Variants in RBFOX3 observed in about 807,000 individuals in gnomAD.
RBFOX3 encodes the protein RNA binding fox-1 homolog 3, also known as RNA binding protein fox-1 homolog 3.
Under a neutral mutation model 48.7 loss-of-function variants are expected in RBFOX3, and 17 were observed. The ratio of observed to expected loss-of-function variants is 0.35; its 90% CI spans 0.24 to 0.52. The LOEUF is 0.52. Among genes scored for constraint, RBFOX3 ranks in the 20% least tolerant of loss-of-function variants. RBFOX3 has a pLI of 0.94. For synonymous variants in RBFOX3, 212 were observed against 209.5 expected (o/e 1.01, Z -0.10); for missense variants, 382 against 497.5 (o/e 0.77, Z 2.21).
At chr17:79,570,834 T>C (rs2092650912) in intron 1 of RBFOX3, among the ~76,000 whole-genome samples, 1 of 152,190 alleles carries the variant, frequency 6.6e-6, no homozygotes, top group Admixed American at 6.5e-5. Flanking sequence ...AGTGGGCCTG[T>C]GGGCCGGGCT....
At position 79,557,338 on chromosome 17, in the gene RBFOX3, A is replaced by G. The variant is rs927136608; in HGVS notation, c.-320+53488T>C. On this transcript the variant is annotated intron_variant, in intron 1 of 14. Coordinates refer to ENST00000693108, the MANE Select transcript of RBFOX3 (RefSeq NM_001350451.2). ...GTGTGGCCCCAGGCCCTGGACTGTT[A>G]GTCTCTATCTGGTCTGTTACCCCTG... 2.7e-4 allele frequency among the ~76,000 whole-genome samples: 41 copies of G among 151,510 alleles called. 1 individual carries two copies. The East Asian group carries it at 7.0e-3, about 26-fold the overall frequency.
At chr17:79,642,125 T>A in the RBFOX3 span, among the ~76,000 whole-genome samples, 1 of 152,198 alleles carries the variant, frequency 6.6e-6, no homozygotes, top group East Asian at 1.9e-4. Flanking sequence ...GAATGACAAA[T>A]ACCGCATTAT....
intron 4 of RBFOX3, among the ~76,000 whole-genome samples, 191 bp from the exon 5 acceptor site, chr17:79,115,939 C>T (rs567401541): frequency 6.6e-5 from 10 of 152,238 alleles, no homozygotes; most frequent in Admixed American, 2.0e-4. Flanking sequence ...CTGGGAATGC[C>T]GGGGAGCCTG....
intron 2 of RBFOX3, among the ~76,000 whole-genome samples, chr17:79,415,904 G>T (rs2065275205): frequency 6.6e-6 from 1 of 152,096 alleles, no homozygotes; most frequent in Non-Finnish European, 1.5e-5. Context: ...CCCACACACT[G>T]GAGCAGGCCC....
intron 1 of RBFOX3, among the ~76,000 whole-genome samples, chr17:79,506,811 G>A (rs1227186000): frequency 3.3e-5 from 5 of 152,278 alleles, no homozygotes; most frequent in Admixed American, 6.5e-5. Context: ...GGCCGCTTCC[G>A]GCAGAACATG....
In RBFOX3 at chr17:79,094,547, AGGGGGAGTGGGAGGAGGGTGG is replaced by A; in HGVS notation, c.999-39_999-19del. ...TGCCGTAACTAGGGAAGAGCGTGGG[AGGGGGAGTGGGAGGAGGGTGG>A]GGGAGGGGGGCAGGTGAGGGGCAGC... On this transcript the variant is annotated intron_variant, in intron 13 of 14. Coordinates refer to ENST00000693108, the MANE Select transcript of RBFOX3 (RefSeq NM_001350451.2). 1 of 153,482 alleles carries A rather than the reference AGGGGGAGTGGGAGGAGGGTGG, an allele frequency of 6.5e-6. No individual in the cohort carries two copies. Among genetic ancestry groups the A allele is most frequent in the Non-Finnish European group, 8.9e-6 (1 of 112,742 alleles). The allele number at this position is 153,482 out of a possible 1,614,324, so 9.5% of individuals were successfully genotyped here.
At chr17:79,664,227 T>G in the RBFOX3 span, among the ~76,000 whole-genome samples, 27 of 151,664 alleles carry the variant, frequency 1.8e-4, no homozygotes, top group African/African-American at 6.5e-4. Context: ...CAGGCTAGAG[T>G]GCAGTGGCGC....
chr17:79,248,765 G>A (rs774877480), intron 3 of RBFOX3, among the ~76,000 whole-genome samples: 6 of 152,340 alleles, frequency 3.9e-5, no homozygotes, highest in Non-Finnish European at 7.4e-5. Context: ...GGGGGTCCCC[G>A]TTGACTCACT....
chr17:79,092,222 C>T, intron 14 of RBFOX3: 3 of 985,552 alleles, frequency 3.0e-6, no homozygotes, highest in Non-Finnish European at 3.6e-6. Flanking sequence ...GGCTCTTGCC[C>T]TCATAGGGCG....
intron 4 of RBFOX3, among the ~76,000 whole-genome samples, chr17:79,117,228 G>A (rs573919713): frequency 6.6e-6 from 1 of 152,348 alleles, no homozygotes; most frequent in South Asian, 2.1e-4. Flanking sequence ...TGCCGCCTCT[G>A]CCTGGAGCAG....
chr17:79,352,513 G>T (rs1310399971), intron 2 of RBFOX3, among the ~76,000 whole-genome samples: 1 of 152,184 alleles, frequency 6.6e-6, no homozygotes, highest in Admixed American at 6.5e-5. Context: ...GAAAACAGAA[G>T]TGCCCTGAGG....
intron 4 of RBFOX3, among the ~76,000 whole-genome samples, chr17:79,149,593 C>T (rs943547279): frequency 1.3e-5 from 2 of 152,040 alleles, no homozygotes; most frequent in East Asian, 1.9e-4. Flanking sequence ...ATTCCTCCTT[C>T]GGGACTGCTT....
chr17:79,390,186 T>C lies in RBFOX3; in HGVS notation c.-174-82362A>G, dbSNP rs1343956563. On this transcript the variant is annotated intron_variant, in intron 2 of 14. Coordinates refer to ENST00000693108, the MANE Select transcript of RBFOX3 (RefSeq NM_001350451.2). The surrounding 1 kb of genome is among the most constrained non-coding windows in gnomAD (Gnocchi z 4.2). ...GGCAAGTCCACAGAGTTCTGAGGTG[T>C]CCAACCTCCGGGACGCTGCACTGAC... Among the ~76,000 whole-genome samples, 1 of 152,214 alleles carries C rather than the reference T, an allele frequency of 6.6e-6. No individual in the cohort carries two copies. The highest frequency in any genetic ancestry group is 2.4e-5 in the African/African-American group (1 of 41,452).
intron 2 of RBFOX3, among the ~76,000 whole-genome samples, chr17:79,380,106 C>T (rs1449242452): frequency 1.3e-5 from 2 of 151,926 alleles, no homozygotes; most frequent in Non-Finnish European, 2.9e-5. Flanking sequence ...ACCGCATGGC[C>T]ATCATCTCCA....
intron 2 of RBFOX3, among the ~76,000 whole-genome samples, chr17:79,437,173 G>A (rs1269538547): frequency 3.9e-5 from 6 of 152,276 alleles, no homozygotes; most frequent in African/African-American, 1.2e-4. Context: ...CGCCAGGCCT[G>A]AGGGTCTCAC....
chr17:79,410,742 G>A lies in RBFOX3; in HGVS notation c.-175+71712C>T, dbSNP rs1056089606. 9.2e-5 allele frequency among the ~76,000 whole-genome samples: 14 copies of A among 152,282 alleles called. No homozygotes were observed. In the East Asian group the frequency reaches 2.5e-3, roughly 27 times the overall value. On this transcript the variant is annotated intron_variant, in intron 2 of 14. Coordinates refer to ENST00000693108, the MANE Select transcript of RBFOX3 (RefSeq NM_001350451.2). ...GTTTTGTTACTCATCAGTGGCACAT[G>A]CACGCCCAGGTCAGGCGGTGCCTCC... is the stretch of plus-strand genomic sequence containing the variant.
Position 79,571,502 on chromosome 17 carries a change from G to T in RBFOX3, c.-320+39324C>A, listed in dbSNP as rs983394720. Among the ~76,000 whole-genome samples, 123 of 151,672 alleles carry T rather than the reference G, an allele frequency of 8.1e-4. 4 individuals are homozygous for T. The South Asian group carries it at 0.019, about 23-fold the overall frequency. The stretch of plus-strand genomic sequence containing the variant: ...GTCATAAGTGTTTTTCATCTGCTTG[G>T]GTGTCCCCACTCCCACCCCCCGCCC... On this transcript the variant is annotated intron_variant, in intron 1 of 14. Transcript: ENST00000693108.
chr17:79,655,357 G>A, the RBFOX3 span, among the ~76,000 whole-genome samples: 927 of 152,224 alleles, frequency 6.1e-3, 12 homozygotes, highest in African/African-American at 0.021. Flanking sequence ...AAATAACCAC[G>A]TTCCCACCCC....
intron 3 of RBFOX3, among the ~76,000 whole-genome samples, chr17:79,239,005 G>C (rs1048591239): frequency 6.6e-6 from 1 of 152,110 alleles, no homozygotes; most frequent in Non-Finnish European, 1.5e-5. Context: ...CCAGGGTCAC[G>C]AAATTCCCTG....
Sources: gnomAD v4.1 joint callset for allele counts (sites outside exome capture counted in the v4.1 genomes callset) on GRCh38, gnomAD v4.1.1 for gene constraint, Gnocchi (gnomAD v3.1) non-coding constraint, MANE v1.5 for transcripts, NCBI Gene and HGNC (gene_info 2026-07-23, HGNC 2026-07-21) for gene names.